Variants in FMN1 observed in about 807,000 individuals in gnomAD.
FMN1 encodes the protein formin-1.
Under a neutral mutation model 132.4 loss-of-function variants are expected in FMN1, and 110 were observed. The ratio of observed to expected loss-of-function variants is 0.83; its 90% CI spans 0.71 to 0.97. The LOEUF (loss-of-function observed/expected upper bound fraction) is 0.97, where lower values mean the gene tolerates loss of function less well. Ranked by LOEUF, FMN1 falls within the 50% of genes least tolerant of loss-of-function variation. The pLI is 0.00. For synonymous variants in FMN1, 722 were observed against 651.7 expected (o/e 1.11, Z -1.64); for missense variants, 1,792 against 1,705.3 (o/e 1.05, Z -0.90).
At chr15:32,943,759 G>C (rs1044593927) in intron 9 of FMN1, among the ~76,000 whole-genome samples, 5 of 152,146 alleles carry the variant, frequency 3.3e-5, no homozygotes, top group Admixed American at 3.3e-4. Context: ...TTTGTGAGAT[G>C]AGAGAGAATA....
chr15:32,831,086 G>A (rs1429021974), intron 17 of FMN1, among the ~76,000 whole-genome samples: 2 of 152,074 alleles, frequency 1.3e-5, no homozygotes, highest in Non-Finnish European at 2.9e-5. Context: ...GCCCATCTGA[G>A]TTCAATTTCC....
chr15:33,121,941 T>C (rs1349489696), intron 4 of FMN1, among the ~76,000 whole-genome samples: 2 of 152,228 alleles, frequency 1.3e-5, no homozygotes, highest in Admixed American at 6.5e-5. Context: ...GTCTCTCTCA[T>C]TGTGTTACCA....
At chr15:33,076,729 T>C (rs1340755932) in intron 5 of FMN1, among the ~76,000 whole-genome samples, 1 of 152,188 alleles carries the variant, frequency 6.6e-6, no homozygotes, top group Non-Finnish European at 1.5e-5. Flanking sequence ...ATCCATCTGA[T>C]TCTAAATGTT....
chr15:33,181,419 C>T (rs919277372), intron 2 of FMN1, among the ~76,000 whole-genome samples: 2 of 152,178 alleles, frequency 1.3e-5, no homozygotes, highest in African/African-American at 2.4e-5. Context: ...CTGCTGTTGG[C>T]GCCCACCATA....
chr15:33,116,168 C>T (rs2039916847), intron 4 of FMN1, among the ~76,000 whole-genome samples: 1 of 152,116 alleles, frequency 6.6e-6, no homozygotes. Context: ...ACTTAAATCC[C>T]CATTTATACA....
chr15:33,085,856 T>TAA (rs2038670478), intron 5 of FMN1, among the ~76,000 whole-genome samples: 1 of 152,156 alleles, frequency 6.6e-6, no homozygotes, highest in African/African-American at 2.4e-5. Context: ...AATAATTAAA[T>TAA]AAATTTTGGC....
intron 6 of FMN1, chr15:33,012,722 G>C (rs116286506): frequency 7.9e-6 from 6 of 758,792 alleles, no homozygotes; most frequent in Non-Finnish European, 1.4e-5. Flanking sequence ...GGAAACTTTC[G>C]TGGTGGCCAT....
At chr15:32,854,107 A>G (rs77603803) in intron 17 of FMN1, among the ~76,000 whole-genome samples, 10,360 of 152,292 alleles carry the variant, frequency 0.068, 486 homozygotes, top group Non-Finnish European at 0.11. Flanking sequence ...ATAAATGAAT[A>G]TTAATCGTTT....
chr15:32,882,334 T>C (rs2059790686), intron 16 of FMN1, among the ~76,000 whole-genome samples: 1 of 152,200 alleles, frequency 6.6e-6, no homozygotes, highest in African/African-American at 2.4e-5. Context: ...TCCACTTCCT[T>C]ACTGTAACAA....
intron 4 of FMN1, among the ~76,000 whole-genome samples, chr15:33,121,581 T>C (rs778443777): frequency 6.6e-6 from 1 of 152,164 alleles, no homozygotes; most frequent in African/African-American, 2.4e-5. Flanking sequence ...CAGGGTAGAG[T>C]GCAGTGGCGC....
At chr15:33,135,258 T>C (rs1963714386) in intron 4 of FMN1, among the ~76,000 whole-genome samples, 1 of 152,200 alleles carries the variant, frequency 6.6e-6, no homozygotes, top group East Asian at 1.9e-4. Context: ...ACATAAATTA[T>C]TTTTTCAAAA....
In FMN1 at chr15:32,769,522, A is replaced by G. The variant is rs10519742; in HGVS notation, c.*4788T>C. 0.15 allele frequency: 22,378 copies of G among 152,270 alleles called. 1,723 individuals are homozygous for G. The highest frequency in any genetic ancestry group is 0.17 in the Non-Finnish European group (11,316 of 68,018). 9.4% of individuals were successfully genotyped at this position (152,270 alleles called of 1,614,324 possible). ...GATTCAATTGCTAATGGAGAGATGA[A>G]TATCATTATGTAAGTCTAAAGAAGA... is the stretch of plus-strand genomic sequence containing the variant. On this transcript the variant is annotated 3_prime_UTR_variant, in exon 21 of 21. Coordinates refer to ENST00000616417, the MANE Select transcript of FMN1 (RefSeq NM_001277313.2).
At chr15:33,021,886 A>G (rs778844470) in intron 6 of FMN1, among the ~76,000 whole-genome samples, 1 of 152,214 alleles carries the variant, frequency 6.6e-6, no homozygotes, top group Non-Finnish European at 1.5e-5. Context: ...ATCATAGTCA[A>G]CAACAGTTAA....
intron 17 of FMN1, among the ~76,000 whole-genome samples, chr15:32,853,963 G>A (rs1385538656): frequency 6.6e-6 from 1 of 152,130 alleles, no homozygotes; most frequent in Admixed American, 6.5e-5. Context: ...CTCTAGACTA[G>A]CACTTTCTGA....
At position 32,768,657 on chromosome 15, in the gene FMN1, C is replaced by CT. The variant is rs1362217939; in HGVS notation, c.*5652dup. 7.2e-5 allele frequency: 11 copies of CT among 152,152 alleles called. No individual in the cohort carries two copies. Among genetic ancestry groups the CT allele is most frequent in the Admixed American group, 7.2e-4 (11 of 15,270 alleles). The allele number at this position is 152,152 out of a possible 1,614,324, so 9.4% of individuals were successfully genotyped here. A position where few individuals can be genotyped will look rare whatever the true frequency, so the allele number is the denominator to read the frequency against. On this transcript the variant is annotated 3_prime_UTR_variant, in exon 21 of 21. Transcript: ENST00000616417. Reference sequence around the variant, plus strand: ...GTGATTTTCTGCCTGAAACTATAGTCTTCTTTGCATTTTGCTGGCCCAATG... The same window carrying CT: ...GTGATTTTCTGCCTGAAACTATAGTCTTTCTTTGCATTTTGCTGGCCCAATG...
chr15:32,950,060 T>TATATACAC (rs2061614584), intron 9 of FMN1, among the ~76,000 whole-genome samples: 1 of 80,662 alleles, frequency 1.2e-5, no homozygotes, highest in African/African-American at 5.5e-5. Flanking sequence ...TACACATATA[T>TATATACAC]ATATATATAT....
chr15:33,016,064 T>C (rs961323230), intron 6 of FMN1, among the ~76,000 whole-genome samples: 2 of 152,170 alleles, frequency 1.3e-5, no homozygotes, highest in Non-Finnish European at 2.9e-5. Flanking sequence ...ACAGCAAAGT[T>C]TGAGAACCAC....
At chr15:32,909,440 G>A (rs28508587) in intron 11 of FMN1, among the ~76,000 whole-genome samples, 6,951 of 152,246 alleles carry the variant, frequency 0.046, 198 homozygotes, top group African/African-American at 0.079. Flanking sequence ...GAGAAGTTCC[G>A]ACCCACTTGT....
At chr15:32,827,922 A>T (rs961582487) in intron 17 of FMN1, among the ~76,000 whole-genome samples, 4 of 152,174 alleles carry the variant, frequency 2.6e-5, no homozygotes, top group Non-Finnish European at 5.9e-5. Flanking sequence ...CTAACTTAAG[A>T]ACATGAAGTG....
Sources: allele counts gnomAD v4.1 joint callset (sites outside exome capture counted in the v4.1 genomes callset), GRCh38; gene constraint gnomAD v4.1.1; transcripts MANE v1.5; gene names NCBI Gene and HGNC (gene_info 2026-07-23, HGNC 2026-07-21).